Variants in PALLD observed in about 807,000 individuals in gnomAD.
PALLD encodes palladin, cytoskeletal associated protein.
In PALLD, 61 loss-of-function variants were observed where a neutral mutation model predicts 123.5. The observed-to-expected ratio is 0.49, with a 90% confidence interval of 0.40 to 0.61. PALLD has a LOEUF of 0.61. Among genes scored for constraint, PALLD ranks in the 20% least tolerant of loss-of-function variants. The pLI, the probability that PALLD is intolerant of heterozygous loss-of-function variation, is 0.00. For missense variants in PALLD, 1,273 were observed against 1,377.0 expected (o/e 0.92, Z 1.20); for synonymous variants, 465 against 496.4 (o/e 0.94, Z 0.84).
chr4:168,754,589 A>G (rs940010924), intron 10 of PALLD, among the ~76,000 whole-genome samples: 1 of 152,202 alleles, frequency 6.6e-6, no homozygotes, highest in African/African-American at 2.4e-5. Flanking sequence ...GATGATTTGT[A>G]TATGGGAACA....
At chr4:168,759,571 T>C (rs897936100) in intron 10 of PALLD, among the ~76,000 whole-genome samples, 4 of 151,876 alleles carry the variant, frequency 2.6e-5, no homozygotes, top group African/African-American at 4.8e-5. Context: ...TTTGTTCCTT[T>C]GGGGAAAGAG....
chr4:168,669,066 T>C (rs1779929292), intron 3 of PALLD, among the ~76,000 whole-genome samples: 2 of 152,256 alleles, frequency 1.3e-5, no homozygotes, highest in Admixed American at 1.3e-4. Context: ...GTATATACTA[T>C]TCCTAAATCC....
intron 10 of PALLD, among the ~76,000 whole-genome samples, chr4:168,742,401 T>C (rs932755598): frequency 6.6e-6 from 1 of 152,218 alleles, no homozygotes; most frequent in Admixed American, 6.5e-5. Context: ...AAGGAATAAG[T>C]ACATTTGAAA....
intron 2 of PALLD, among the ~76,000 whole-genome samples, chr4:168,628,160 A>G (rs1179828165): frequency 1.3e-5 from 2 of 152,254 alleles, no homozygotes; most frequent in African/African-American, 4.8e-5. Context: ...TCATGTGTGG[A>G]CGTTTGTAAC....
intron 2 of PALLD, among the ~76,000 whole-genome samples, chr4:168,626,022 G>A (rs903399532): frequency 1.6e-4 from 25 of 152,256 alleles, no homozygotes; most frequent in African/African-American, 6.0e-4. Flanking sequence ...CCAGCACTTT[G>A]GGAGGCTGAG....
chr4:168,707,547 A>G (rs1163667942), intron 8 of PALLD, among the ~76,000 whole-genome samples: 4 of 152,200 alleles, frequency 2.6e-5, no homozygotes, highest in Non-Finnish European at 4.4e-5. Flanking sequence ...TGGAGCAGAA[A>G]CAGGCCAGGC....
chr4:168,830,979 C>CCATTCATT (rs370735550), intron 10 of PALLD, among the ~76,000 whole-genome samples: 1 of 152,206 alleles, frequency 6.6e-6, no homozygotes, highest in Non-Finnish European at 1.5e-5. Flanking sequence ...GTAGATATTA[C>CCATTCATT]CATTCATTCA....
intron 2 of PALLD, among the ~76,000 whole-genome samples, chr4:168,661,154 G>A (rs1030456572): frequency 5.3e-5 from 8 of 152,074 alleles, no homozygotes; most frequent in Non-Finnish European, 1.0e-4. Flanking sequence ...TGATCTGCCC[G>A]CCTCGGCCTC....
intron 17 of PALLD, among the ~76,000 whole-genome samples, chr4:168,920,007 C>T (rs1330516764): frequency 6.6e-6 from 1 of 152,182 alleles, no homozygotes; most frequent in African/African-American, 2.4e-5. Flanking sequence ...TCCTACTAAA[C>T]ATACTGTGGC....
At chr4:168,706,651 A>G (rs1426580122) in intron 8 of PALLD, among the ~76,000 whole-genome samples, 1 of 152,194 alleles carries the variant, frequency 6.6e-6, no homozygotes, top group African/African-American at 2.4e-5. Context: ...GGAAAAGGAA[A>G]GGCTTTGGTG....
chr4:168,593,019 T>TAA (rs56352629), intron 2 of PALLD, among the ~76,000 whole-genome samples: 1 of 148,268 alleles, frequency 6.7e-6, no homozygotes, highest in Non-Finnish European at 1.5e-5. Context: ...CCTCTTCCTT[T>TAA]AAAAAAAAAA....
intron 2 of PALLD, among the ~76,000 whole-genome samples, chr4:168,635,498 A>G (rs1776251782): frequency 6.6e-6 from 1 of 152,232 alleles, no homozygotes; most frequent in South Asian, 2.1e-4. Context: ...TAAAGTATCT[A>G]TTATCACTTC....
chr4:168,600,966 C>T (rs923424816), intron 2 of PALLD, among the ~76,000 whole-genome samples: 2 of 152,098 alleles, frequency 1.3e-5, no homozygotes, highest in South Asian at 4.2e-4. Context: ...AGGGGAACGT[C>T]CAGGCTTGCC....
At chr4:168,794,061 C>T (rs917637031) in intron 10 of PALLD, among the ~76,000 whole-genome samples, 5 of 152,264 alleles carry the variant, frequency 3.3e-5, no homozygotes, top group Admixed American at 6.5e-5. Flanking sequence ...TGCAGTGGCA[C>T]GGCTCCTCCC....
intron 14 of PALLD, among the ~76,000 whole-genome samples, chr4:168,899,083 C>A (rs1258592150): frequency 6.6e-6 from 1 of 152,160 alleles, no homozygotes. Context: ...ACCCAGTGCT[C>A]TGTACCATAC....
At chr4:168,677,577 C>T (rs894045120) in intron 3 of PALLD, among the ~76,000 whole-genome samples, 27 of 152,004 alleles carry the variant, frequency 1.8e-4, no homozygotes, top group Admixed American at 5.9e-4. Context: ...CCCAATTTTT[C>T]GCTACCTTGA....
intron 2 of PALLD, among the ~76,000 whole-genome samples, chr4:168,577,492 C>T (rs538669289): frequency 6.0e-4 from 91 of 152,238 alleles, no homozygotes; most frequent in Middle Eastern, 3.4e-3. Flanking sequence ...GCATGACATT[C>T]ACAGGATTGT....
At chr4:168,607,387 A>G (rs11728258) in intron 2 of PALLD, among the ~76,000 whole-genome samples, 69,176 of 151,974 alleles carry the variant, frequency 0.46, 16,097 homozygotes, top group East Asian at 0.8. Flanking sequence ...GGTGTAACTG[A>G]TTGATTACTG....
intron 10 of PALLD, among the ~76,000 whole-genome samples, chr4:168,874,368 C>G (rs1287494277): frequency 6.6e-6 from 1 of 152,204 alleles, no homozygotes; most frequent in Non-Finnish European, 1.5e-5. Context: ...CTCCTTATCT[C>G]TGTCAAATCT....
Sources: allele counts gnomAD v4.1 joint callset (sites outside exome capture counted in the v4.1 genomes callset), GRCh38; gene constraint gnomAD v4.1.1; transcripts MANE v1.5; gene names NCBI Gene and HGNC (gene_info 2026-07-23, HGNC 2026-07-21).